The following HTR1E variants were observed in gnomAD, a reference collection of about 807,000 sequenced individuals.
HTR1E encodes the protein 5-hydroxytryptamine receptor 1E.
In HTR1E, 3 loss-of-function variants were observed where a neutral mutation model predicts 3.4. The observed-to-expected ratio is 0.89, with a 90% CI of 0.41 to 2.31. HTR1E has a LOEUF of 2.31. Among genes scored for constraint, HTR1E ranks in the 30% most tolerant of loss-of-function variants. The pLI is 0.05. For synonymous variants in HTR1E, 170 were observed against 182.8 expected (o/e 0.93, Z 0.56); for missense variants, 392 against 467.0 (o/e 0.84, Z 1.48).
At chr6:86,964,483 G>T (rs575497731) in intron 1 of HTR1E, among the ~76,000 whole-genome samples, 1 of 152,322 alleles carries the variant, frequency 6.6e-6, no homozygotes, top group East Asian at 1.9e-4. Context: ...GATAGCAGGT[G>T]ATATACTCAT....
intron 1 of HTR1E, among the ~76,000 whole-genome samples, chr6:86,959,019 C>T (rs1038877691): frequency 1.3e-5 from 2 of 151,776 alleles, no homozygotes; most frequent in African/African-American, 4.8e-5. Context: ...GAAATTGGCT[C>T]ACACAGTTGT....
intron 1 of HTR1E, among the ~76,000 whole-genome samples, chr6:86,949,366 C>T (rs780250801): frequency 1.3e-4 from 20 of 152,176 alleles, no homozygotes; most frequent in Non-Finnish European, 2.5e-4. Context: ...CCTGCTGCTG[C>T]TGCTGCTGTT....
chr6:86,979,176 T>G (rs1279214031), intron 1 of HTR1E, among the ~76,000 whole-genome samples: 1 of 152,240 alleles, frequency 6.6e-6, no homozygotes, highest in Non-Finnish European at 1.5e-5. Context: ...TTGATTTTTT[T>G]GCACAGTTTA....
chr6:86,952,061 ATTTGTTAG>A (rs1241298216), intron 1 of HTR1E, among the ~76,000 whole-genome samples: 5 of 152,208 alleles, frequency 3.3e-5, no homozygotes, highest in African/African-American at 1.2e-4. Flanking sequence ...CATGAAGGGA[ATTTGTTAG>A]AAGATGCCAG....
intron 1 of HTR1E, among the ~76,000 whole-genome samples, chr6:86,971,997 A>C (rs1767563713): frequency 6.6e-6 from 1 of 152,178 alleles, no homozygotes; most frequent in South Asian, 2.1e-4. Context: ...CAGATAATTG[A>C]GGGGTGAATG....
At chr6:86,946,510 A>T (rs988874119) in intron 1 of HTR1E, among the ~76,000 whole-genome samples, 6 of 152,226 alleles carry the variant, frequency 3.9e-5, no homozygotes, top group African/African-American at 1.4e-4. Flanking sequence ...TGGCCTAACA[A>T]TGCATTTCTC....
chr6:86,989,866 A>G (rs1767849011), intron 1 of HTR1E, among the ~76,000 whole-genome samples: 3 of 152,252 alleles, frequency 2.0e-5, no homozygotes, highest in Non-Finnish European at 1.5e-5. Context: ...TATACAACAT[A>G]CTATCTCTTG....
intron 1 of HTR1E, chr6:86,970,746 G>T (rs912616055): frequency 5.0e-6 from 1 of 201,024 alleles, no homozygotes; most frequent in South Asian, 9.1e-5. Flanking sequence ...AGTTCCAATG[G>T]TGTGCACACA....
At chr6:86,944,072 T>C (rs1309235419) in intron 1 of HTR1E, among the ~76,000 whole-genome samples, 1 of 152,256 alleles carries the variant, frequency 6.6e-6, no homozygotes, top group Non-Finnish European at 1.5e-5. Context: ...GTTCTTTTGC[T>C]ACCACATGGA....
At chr6:86,990,949 A>G (rs929296154) in intron 1 of HTR1E, among the ~76,000 whole-genome samples, 5 of 152,134 alleles carry the variant, frequency 3.3e-5, no homozygotes, top group South Asian at 2.1e-4. Context: ...GGCAAATGCT[A>G]CCTTAACCAA....
At chr6:86,946,444 G>A (rs975167420) in intron 1 of HTR1E, among the ~76,000 whole-genome samples, 3 of 152,204 alleles carry the variant, frequency 2.0e-5, no homozygotes, top group Non-Finnish European at 2.9e-5. Context: ...TGTGCAGTAG[G>A]CTACACCATC....
At chr6:87,005,948 AAAG>A (rs2078584611) in intron 1 of HTR1E, among the ~76,000 whole-genome samples, 1 of 152,240 alleles carries the variant, frequency 6.6e-6, no homozygotes, top group South Asian at 2.1e-4. Context: ...ACATTTCTCA[AAAG>A]AAGACATAAA....
At chr6:86,968,258 G>A (rs539856397) in intron 1 of HTR1E, among the ~76,000 whole-genome samples, 1 of 152,200 alleles carries the variant, frequency 6.6e-6, no homozygotes, top group East Asian at 1.9e-4. Context: ...GAAAAATTCT[G>A]CTATTACAAA....
chr6:86,976,644 G>C (rs1767643540), intron 1 of HTR1E, among the ~76,000 whole-genome samples: 1 of 152,162 alleles, frequency 6.6e-6, no homozygotes, highest in African/African-American at 2.4e-5. Flanking sequence ...TAAATGGAAC[G>C]CCTGCACTAT....
chr6:86,995,655 G>A (rs1160884156), intron 1 of HTR1E, among the ~76,000 whole-genome samples: 1 of 94,342 alleles, frequency 1.1e-5, no homozygotes, highest in Non-Finnish European at 1.9e-5. Context: ...GACAGAGTGA[G>A]ACTCCATCTC....
At chr6:86,995,742 T>C (rs992350923) in intron 1 of HTR1E, among the ~76,000 whole-genome samples, 4 of 122,776 alleles carry the variant, frequency 3.3e-5, no homozygotes, top group African/African-American at 6.3e-5. Flanking sequence ...TGCAAAAAAC[T>C]CTAAATGTAA....
At position 87,016,044 on chromosome 6, in the gene HTR1E, A is replaced by G. The variant is rs753779020; in HGVS notation, c.710A>G (p.Lys237Arg). ...TDSQNSFASC[K>R]LTQTFCVSDF... ...AGCCAGAATTCTTTTGCAAGTTGTA[A>G]ACTTACACAGACTTTCTGTGTGTCT... is the stretch of plus-strand genomic sequence containing the variant. The change falls in exon 2 of 2, where the codon AAA (lysine) becomes AGA (arginine). Residue 237 changes from lysine to arginine, a missense_variant. Coordinates refer to ENST00000305344, the MANE Select transcript of HTR1E (RefSeq NM_000865.3). 3.1e-6 allele frequency: 5 copies of G among 1,614,162 alleles called. No homozygotes were observed. Among genetic ancestry groups the G allele is most frequent in the Non-Finnish European group, 4.2e-6 (5 of 1,180,028 alleles).
chr6:86,990,584 C>G (rs187054954), intron 1 of HTR1E, among the ~76,000 whole-genome samples: 7 of 151,982 alleles, frequency 4.6e-5, no homozygotes, highest in Admixed American at 3.9e-4. Flanking sequence ...GGATTATAAC[C>G]CAAAGAATAA....
chr6:87,015,201 T>C lies in HTR1E; in HGVS notation c.-134T>C. On this transcript the variant is annotated 5_prime_UTR_variant, in exon 2 of 2. An upstream start codon of the reference 5' UTR is lost. Coordinates refer to ENST00000305344, the MANE Select transcript of HTR1E (RefSeq NM_000865.3). Reference sequence around the variant, plus strand: ...GGCCCTTCCCTTTACCAACAGAAAATGGAACACAAGAGACCACATAGCTGA... The same window carrying C: ...GGCCCTTCCCTTTACCAACAGAAAACGGAACACAAGAGACCACATAGCTGA... 1 of 582,198 alleles carries C rather than the reference T, an allele frequency of 1.7e-6. No homozygotes were observed. Among genetic ancestry groups the C allele is most frequent in the East Asian group, 3.4e-5 (1 of 29,552 alleles). The allele number at this position is 582,198 out of a possible 1,614,324, so 36.1% of individuals were successfully genotyped here.
Sources: allele counts gnomAD v4.1 joint callset (sites outside exome capture counted in the v4.1 genomes callset), GRCh38; gene constraint gnomAD v4.1.1; transcripts MANE v1.5; gene names NCBI Gene and HGNC (gene_info 2026-07-23, HGNC 2026-07-21).